TTC39B: variants seen among roughly 807,000 people sequenced by gnomAD.
TTC39B encodes the protein tetratricopeptide repeat protein 39B.
A neutral mutation model predicts 96.6 loss-of-function variants in TTC39B; 92 were observed. The ratio of observed to expected loss-of-function variants is 0.95; its 90% CI spans 0.80 to 1.13. The LOEUF (loss-of-function observed/expected upper bound fraction) is 1.13. TTC39B is among the 50% of genes most tolerant of loss of function. TTC39B has a pLI of 0.00. For synonymous variants in TTC39B, 367 were observed against 299.4 expected (o/e 1.23, Z -2.33); for missense variants, 955 against 809.3 (o/e 1.18, Z -2.18).
intron 6 of TTC39B, among the ~76,000 whole-genome samples, chr9:15,209,137 T>C (rs536603860): frequency 6.6e-6 from 1 of 152,338 alleles, no homozygotes; most frequent in East Asian, 1.9e-4. Context: ...AAAAGCTTTA[T>C]TCTACAATAG....
At chr9:15,233,501 G>A (rs1044600232) in intron 2 of TTC39B, among the ~76,000 whole-genome samples, 44 of 149,658 alleles carry the variant, frequency 2.9e-4, no homozygotes, top group Non-Finnish European at 3.4e-4. Context: ...GATTGCAGGC[G>A]CACGCCGCCA....
At chr9:15,184,724 G>C (rs1415190240) in intron 16 of TTC39B, among the ~76,000 whole-genome samples, 1 of 152,162 alleles carries the variant, frequency 6.6e-6, no homozygotes, top group African/African-American at 2.4e-5. Context: ...ACCAAACTAA[G>C]ATGTCCTCTA....
intron 5 of TTC39B, 87 bp downstream of exon 5, chr9:15,211,179 G>C (rs1356518213): frequency 4.4e-6 from 6 of 1,360,506 alleles, no homozygotes; most frequent in Non-Finnish European, 5.8e-6. Context: ...CAAACACAGA[G>C]CTTTTGGTCA....
At chr9:15,287,702 T>A (rs1318132596) in intron 1 of TTC39B, among the ~76,000 whole-genome samples, 1 of 152,036 alleles carries the variant, frequency 6.6e-6, no homozygotes, top group Non-Finnish European at 1.5e-5. Flanking sequence ...AAAAAATGAT[T>A]CTTTCTGGCT....
intron 1 of TTC39B, among the ~76,000 whole-genome samples, chr9:15,278,214 G>A (rs1033625384): frequency 1.3e-5 from 2 of 152,108 alleles, no homozygotes; most frequent in Non-Finnish European, 2.9e-5. Context: ...GAAAAATCGT[G>A]TATATAGTCA....
intron 1 of TTC39B, among the ~76,000 whole-genome samples, chr9:15,278,702 T>C (rs1823640739): frequency 6.6e-6 from 1 of 152,242 alleles, no homozygotes; most frequent in African/African-American, 2.4e-5. Context: ...AACAGAACTT[T>C]ACACAGTTTC....
intron 2 of TTC39B, among the ~76,000 whole-genome samples, chr9:15,244,437 C>CA (rs1473828959): frequency 6.6e-6 from 1 of 152,232 alleles, no homozygotes; most frequent in Non-Finnish European, 1.5e-5. Context: ...TCCCTATCTG[C>CA]AAAAGCAAAG....
chr9:15,240,834 G>A, intron 2 of TTC39B, among the ~76,000 whole-genome samples: 1 of 152,070 alleles, frequency 6.6e-6, no homozygotes, highest in Admixed American at 6.6e-5. Flanking sequence ...CTTGAATGTG[G>A]TTTTTCTAAT....
chr9:15,203,894 C>G lies in TTC39B; in HGVS notation c.692-4G>C, dbSNP rs373430184. 5 of 1,610,878 alleles carry G rather than the reference C, an allele frequency of 3.1e-6. No homozygotes were observed. The highest frequency in any genetic ancestry group is 4.2e-6 in the Non-Finnish European group (5 of 1,178,508). On this transcript the variant is annotated splice_region_variant and splice_polypyrimidine_tract_variant and intron_variant, in intron 6 of 19. Coordinates refer to ENST00000512701, the Ensembl canonical transcript of TTC39B. Reference sequence around the variant, plus strand: ...CAGATTTCAGCATGCATTTCCTCTACAAAAAACAAATAAAATTATATTAAG... The same window carrying G: ...CAGATTTCAGCATGCATTTCCTCTAGAAAAAACAAATAAAATTATATTAAG...
intron 2 of TTC39B, among the ~76,000 whole-genome samples, chr9:15,234,276 G>A (rs1429153484): frequency 3.4e-5 from 5 of 146,946 alleles, no homozygotes; most frequent in African/African-American, 7.6e-5. Context: ...GTCAGCCCCC[G>A]CCAGGCCAGC....
At chr9:15,284,147 G>A (rs955734717) in intron 1 of TTC39B, among the ~76,000 whole-genome samples, 3 of 152,182 alleles carry the variant, frequency 2.0e-5, no homozygotes, top group Non-Finnish European at 2.9e-5. Context: ...ACATGCACTC[G>A]TACACTGAAG....
intron 2 of TTC39B, among the ~76,000 whole-genome samples, chr9:15,227,103 T>C (rs1440761624): frequency 6.6e-6 from 1 of 152,126 alleles, no homozygotes; most frequent in Non-Finnish European, 1.5e-5. Flanking sequence ...GGTCAGGAGT[T>C]CGAGACCAGC....
intron 2 of TTC39B, among the ~76,000 whole-genome samples, chr9:15,261,270 G>A (rs941869438): frequency 6.6e-6 from 1 of 152,052 alleles, no homozygotes; most frequent in African/African-American, 2.4e-5. Flanking sequence ...CTTGAGTCCA[G>A]GAGTTCAAGA....
chr9:15,302,575 G>A (rs1409368765), intron 1 of TTC39B, among the ~76,000 whole-genome samples: 3 of 146,716 alleles, frequency 2.0e-5, no homozygotes, highest in Non-Finnish European at 4.5e-5. Context: ...CCGGTGCAGT[G>A]GCTCACACCT....
chr9:15,175,108 G>A (rs373948653), exon 19 of TTC39B: 19 of 1,613,230 alleles, frequency 1.2e-5, no homozygotes, highest in Non-Finnish European at 1.6e-5. Context: ...ACGGCACTAG[G>A]TAGTGGTCAT....
intron 3 of TTC39B, among the ~76,000 whole-genome samples, chr9:15,221,032 T>G (rs542753331): frequency 4.6e-5 from 7 of 152,332 alleles, no homozygotes; most frequent in African/African-American, 1.4e-4. Flanking sequence ...TGCATGCACA[T>G]ATCTGGTGAT....
intron 3 of TTC39B, among the ~76,000 whole-genome samples, chr9:15,218,213 G>T (rs1329357395): frequency 6.7e-6 from 1 of 149,102 alleles, no homozygotes; most frequent in African/African-American, 2.5e-5. Flanking sequence ...TTTTGCAAGA[G>T]GCTCATCAGC....
At chr9:15,296,823 G>A (rs914872676) in intron 1 of TTC39B, among the ~76,000 whole-genome samples, 2 of 152,112 alleles carry the variant, frequency 1.3e-5, no homozygotes, top group South Asian at 4.1e-4. Flanking sequence ...AAAAGGCAGG[G>A]CCAGGCATGG....
chr9:15,242,519 G>T (rs971008609), intron 2 of TTC39B, among the ~76,000 whole-genome samples: 1 of 152,084 alleles, frequency 6.6e-6, no homozygotes, highest in Non-Finnish European at 1.5e-5. Context: ...GACGGTTGAG[G>T]CTGCAGTGAG....
Sources: allele counts gnomAD v4.1 joint callset (sites outside exome capture counted in the v4.1 genomes callset), GRCh38; gene constraint gnomAD v4.1.1; transcripts MANE v1.5; gene names NCBI Gene and HGNC (gene_info 2026-07-23, HGNC 2026-07-21).